Variants in RASSF6 observed in about 807,000 individuals in gnomAD.
The protein encoded by RASSF6 is Ras association domain family member 6.
A neutral mutation model predicts 44.0 loss-of-function variants in RASSF6; 52 were observed. The ratio of observed to expected loss-of-function variants is 1.18; its 90% confidence interval spans 0.95 to 1.49. RASSF6 has a LOEUF of 1.49. Among genes scored for constraint, RASSF6 ranks in the 40% most tolerant of loss-of-function variants. The probability of loss-of-function intolerance (pLI) is 0.00; values close to 1 mark genes in which losing one functional copy is unlikely to be tolerated. For synonymous variants in RASSF6, 162 were observed against 124.6 expected (o/e 1.30, Z -2.00); for missense variants, 464 against 393.3 (o/e 1.18, Z -1.52).
At chr4:73,602,063 T>C (rs1281276398) in intron 2 of RASSF6, among the ~76,000 whole-genome samples, 1 of 152,052 alleles carries the variant, frequency 6.6e-6, no homozygotes, top group Non-Finnish European at 1.5e-5. Context: ...AGAAACAACA[T>C]GAAAAGGGAC....
At chr4:73,618,542 T>A (rs1321344698) in intron 1 of RASSF6, among the ~76,000 whole-genome samples, 1 of 152,156 alleles carries the variant, frequency 6.6e-6, no homozygotes. Flanking sequence ...TGAAAAATCT[T>A]TAATGAATAT....
In RASSF6 at chr4:73,572,535, T is replaced by C. The variant is rs1329356700; in HGVS notation, c.*3700A>G. 1 of 152,104 alleles carries C rather than the reference T, an allele frequency of 6.6e-6. No homozygotes were observed. Among genetic ancestry groups the C allele is most frequent in the African/African-American group, 2.4e-5 (1 of 41,430 alleles). 9.4% of individuals were successfully genotyped at this position (152,104 alleles called of 1,614,324 possible). The stretch of plus-strand genomic sequence containing the variant: ...AATACATACAATTATTATTTGTCAA[T>C]TAAAAATAAAATAAAAAGACGTAAG... On this transcript the variant is annotated 3_prime_UTR_variant, in exon 11 of 11. Coordinates refer to ENST00000307439, the MANE Select transcript of RASSF6 (RefSeq NM_177532.5).
At chr4:73,611,671 C>A (rs371714116) in intron 2 of RASSF6, 60 bp downstream of exon 2, 24 of 1,046,458 alleles carry the variant, frequency 2.3e-5, no homozygotes, top group Non-Finnish European at 3.0e-5. Context: ...AAAACTTTGA[C>A]GGTATATTCC....
Position 73,571,706 on chromosome 4 carries a change from A to G in RASSF6, c.*4529T>C, listed in dbSNP as rs1311840526. 6.6e-6 allele frequency: 1 copy of G among 151,940 alleles called. No individual in the cohort carries two copies. Among genetic ancestry groups the G allele is most frequent in the East Asian group, 1.9e-4 (1 of 5,202 alleles). 9.4% of individuals were successfully genotyped at this position (151,940 alleles called of 1,614,324 possible). A position where few individuals can be genotyped will look rare whatever the true frequency, so the allele number is the denominator to read the frequency against. On this transcript the variant is annotated 3_prime_UTR_variant, in exon 11 of 11. Coordinates refer to ENST00000307439, the MANE Select transcript of RASSF6 (RefSeq NM_177532.5). ...TTATTTATTCAATCAATTTTTATTGAGCACATCCTACGCACAAGACACAAT... is the reference window on the plus strand; with the variant it reads ...TTATTTATTCAATCAATTTTTATTGGGCACATCCTACGCACAAGACACAAT...
chr4:73,586,972 G>A (rs1036632423), intron 5 of RASSF6, among the ~76,000 whole-genome samples: 3 of 151,420 alleles, frequency 2.0e-5, no homozygotes, highest in Non-Finnish European at 4.4e-5. Context: ...GTTAATGCTA[G>A]TGGGATACCT....
chr4:73,586,154 T>C (rs955468341), intron 5 of RASSF6, among the ~76,000 whole-genome samples: 3 of 151,750 alleles, frequency 2.0e-5, no homozygotes, highest in Admixed American at 6.6e-5. Context: ...GCAAAAGGAA[T>C]AGTATGCTTT....
chr4:73,579,648 C>T (rs1723473988), intron 8 of RASSF6, among the ~76,000 whole-genome samples: 1 of 151,822 alleles, frequency 6.6e-6, no homozygotes, highest in Non-Finnish European at 1.5e-5. Flanking sequence ...TGTTTTGTTA[C>T]CATTTTGTAG....
chr4:73,620,532 G>C (rs760878156), upstream of RASSF6: 6 of 1,453,156 alleles, frequency 4.1e-6, no homozygotes, highest in South Asian at 3.8e-5. Context: ...TGCCCCCGAC[G>C]CGATCAGCGA....
In RASSF6 at chr4:73,593,601, A is replaced by G. The variant is rs1262221475; in HGVS notation, c.145-8T>C. 7 of 1,610,714 alleles carry G rather than the reference A, an allele frequency of 4.3e-6. No homozygotes were observed. Among genetic ancestry groups the G allele is most frequent in the Non-Finnish European group, 5.9e-6 (7 of 1,178,620 alleles). On this transcript the variant is annotated splice_region_variant and splice_polypyrimidine_tract_variant and intron_variant, in intron 3 of 10. Coordinates refer to ENST00000307439, the MANE Select transcript of RASSF6 (RefSeq NM_177532.5). ...TAGTTTGCCATCTTCAGTCTAAGGA[A>G]GAAATGAATAATCCCCCAATTGTTT...
intron 7 of RASSF6, 52 bp downstream of exon 7, chr4:73,582,137 T>C (rs1723702208): frequency 4.7e-6 from 4 of 855,064 alleles, no homozygotes; most frequent in South Asian, 1.8e-5. Context: ...TGTGTGTTTA[T>C]AGTTGAATTA....
chr4:73,600,632 A>T (rs1725223153), intron 2 of RASSF6, among the ~76,000 whole-genome samples: 1 of 152,192 alleles, frequency 6.6e-6, no homozygotes, highest in East Asian at 1.9e-4. Context: ...ACATGTTTGA[A>T]ATCAGGTAAG....
At chr4:73,605,484 T>G (rs1725558951) in intron 2 of RASSF6, among the ~76,000 whole-genome samples, 1 of 152,230 alleles carries the variant, frequency 6.6e-6, no homozygotes, top group African/African-American at 2.4e-5. Context: ...TAAACAGCCA[T>G]GGCTCCAGGT....
chr4:73,605,639 G>A (rs1578056800), intron 2 of RASSF6, among the ~76,000 whole-genome samples: 1 of 152,198 alleles, frequency 6.6e-6, no homozygotes, highest in South Asian at 2.1e-4. Flanking sequence ...TCTGGAAACT[G>A]AGAAATTTGT....
intron 3 of RASSF6, among the ~76,000 whole-genome samples, chr4:73,595,782 A>C (rs1157486801): frequency 6.6e-6 from 1 of 152,198 alleles, no homozygotes; most frequent in Non-Finnish European, 1.5e-5. Context: ...TAAAGAGATT[A>C]GTTATTTAAT....
At position 73,599,754 on chromosome 4, in the gene RASSF6, C is replaced by A. The variant is rs534322264; in HGVS notation, c.66-1036G>T. ...CAGCAGAAACTGTTTTAATGCAAAC[C>A]TGACCATCTCTCCTCTTTGCTCAGA... On this transcript the variant is annotated intron_variant, in intron 2 of 10. Transcript: ENST00000307439. 1.4e-3 allele frequency among the ~76,000 whole-genome samples: 213 copies of A among 152,328 alleles called. No individual in the cohort carries two copies. The Middle Eastern group carries it at 0.017, about 12-fold the overall frequency.
chr4:73,589,601 A>G (rs1034929155), intron 4 of RASSF6, among the ~76,000 whole-genome samples: 32 of 152,008 alleles, frequency 2.1e-4, no homozygotes, highest in African/African-American at 7.7e-4. Context: ...TTTTTCTACC[A>G]TCTACAGCAG....
Position 73,573,734 on chromosome 4 carries a change from A to C in RASSF6, c.*2501T>G, listed in dbSNP as rs2149358684. 6.6e-6 allele frequency: 1 copy of C among 152,212 alleles called. No individual in the cohort carries two copies. Among genetic ancestry groups the C allele is most frequent in the Non-Finnish European group, 1.5e-5 (1 of 67,992 alleles). The allele number at this position is 152,212 out of a possible 1,614,324, so 9.4% of individuals were successfully genotyped here. ...AATAGGCCAAAATGTGTATTTATTT[A>C]TTTATTTTACTTTGTACTTCGGTGG... On this transcript the variant is annotated 3_prime_UTR_variant, in exon 11 of 11. Transcript: ENST00000307439.
chr4:73,610,901 A>T (rs773959324), intron 2 of RASSF6, among the ~76,000 whole-genome samples: 13 of 152,190 alleles, frequency 8.5e-5, no homozygotes, highest in Non-Finnish European at 1.3e-4. Flanking sequence ...GTAATCAGTA[A>T]GTGTTTGAGG....
chr4:73,611,395 T>C (rs138121602), intron 2 of RASSF6, among the ~76,000 whole-genome samples: 1 of 152,272 alleles, frequency 6.6e-6, no homozygotes, highest in East Asian at 1.9e-4. Context: ...GGACATAATG[T>C]TTTTGGCCCT....
Sources: gnomAD v4.1 joint callset for allele counts (sites outside exome capture counted in the v4.1 genomes callset) on GRCh38, gnomAD v4.1.1 for gene constraint, MANE v1.5 for transcripts, NCBI Gene and HGNC (gene_info 2026-07-23, HGNC 2026-07-21) for gene names.